VTI1A: variants seen among roughly 807,000 people sequenced by gnomAD.
VTI1A encodes the protein vesicle transport through interaction with t-SNAREs homolog 1A.
A neutral mutation model predicts 34.9 loss-of-function variants in VTI1A; 22 were observed. The ratio of observed to expected loss-of-function variants is 0.63; its 90% confidence interval spans 0.45 to 0.90. VTI1A has a LOEUF of 0.90. VTI1A is among the 40% of genes least tolerant of loss of function. The pLI is 0.00. For synonymous variants in VTI1A, 87 were observed against 97.3 expected (o/e 0.89, Z 0.62); for missense variants, 268 against 275.6 (o/e 0.97, Z 0.20).
intron 5 of VTI1A, among the ~76,000 whole-genome samples, chr10:112,667,481 T>C (rs1045483338): frequency 3.3e-5 from 5 of 152,168 alleles, no homozygotes; most frequent in African/African-American, 1.2e-4. Context: ...AAGATGATCA[T>C]GGCAAGAGAA....
chr10:112,459,767 A>G (rs558096701), intron 1 of VTI1A, among the ~76,000 whole-genome samples: 124 of 152,346 alleles, frequency 8.1e-4, no homozygotes, highest in Non-Finnish European at 1.2e-3. Flanking sequence ...CTGCCAGGAC[A>G]TGTCTCTCCT....
At chr10:112,496,601 T>G (rs990948499) in intron 3 of VTI1A, among the ~76,000 whole-genome samples, 1 of 152,134 alleles carries the variant, frequency 6.6e-6, no homozygotes, top group African/African-American at 2.4e-5. Context: ...GAAGATTATT[T>G]AAGGCAAAAT....
At chr10:112,757,093 C>T (rs181284262) in intron 7 of VTI1A, among the ~76,000 whole-genome samples, 2 of 151,022 alleles carry the variant, frequency 1.3e-5, no homozygotes, top group East Asian at 3.9e-4. Context: ...TCAACAAATA[C>T]TAATTCAGAG....
chr10:112,644,731 C>G (rs564331860), intron 5 of VTI1A, among the ~76,000 whole-genome samples: 1 of 152,114 alleles, frequency 6.6e-6, no homozygotes, highest in Admixed American at 6.6e-5. Flanking sequence ...TTTTAAACTG[C>G]GAAATTACTG....
the VTI1A span, among the ~76,000 whole-genome samples, chr10:112,843,849 G>T: frequency 1.3e-5 from 2 of 151,896 alleles, no homozygotes; most frequent in Admixed American, 6.6e-5. Context: ...GCTCCTCCAG[G>T]CCTACCACGT....
In VTI1A at chr10:112,815,572, CT is replaced by C; in HGVS notation, c.*193del. 1.7e-6 allele frequency: 1 copy of C among 582,568 alleles called. No homozygotes were observed. 36.1% of individuals were successfully genotyped at this position (582,568 alleles called of 1,614,324 possible). ...TCCTGTTTGCATGTGGGTTGGTTTC[CT>C]TTTCGAGGTTTGTCTTCACCCAGAT... On this transcript the variant is annotated 3_prime_UTR_variant, in exon 8 of 8. Coordinates refer to ENST00000393077, the MANE Select transcript of VTI1A (RefSeq NM_145206.4).
At chr10:112,709,305 A>G (rs1849314693) in intron 7 of VTI1A, among the ~76,000 whole-genome samples, 1 of 152,184 alleles carries the variant, frequency 6.6e-6, no homozygotes, top group Admixed American at 6.5e-5. Context: ...TTCACAGATA[A>G]AGAGTATACA....
chr10:112,815,986 T>C lies in VTI1A; in HGVS notation c.*603T>C. On this transcript the variant is annotated 3_prime_UTR_variant, in exon 8 of 8. Transcript: ENST00000393077. ...CTTTCCCTGTTTTTCTATTGCATAA[T>C]TTTTTTTTTAACCCAAAGATATTTT... 1.5e-5 allele frequency: 3 copies of C among 195,154 alleles called. No individual in the cohort carries two copies. The highest frequency in any genetic ancestry group is 7.0e-5 in the African/African-American group (3 of 42,994). The allele number at this position is 195,154 out of a possible 1,614,324, so 12.1% of individuals were successfully genotyped here.
intron 7 of VTI1A, among the ~76,000 whole-genome samples, chr10:112,801,000 G>A (rs568833828): frequency 3.9e-5 from 6 of 152,300 alleles, no homozygotes; most frequent in East Asian, 1.9e-4. Flanking sequence ...CAACCTCCAC[G>A]TGAATGTAGT....
At chr10:112,809,709 GTC>G (rs1411239373) in intron 7 of VTI1A, among the ~76,000 whole-genome samples, 2 of 152,232 alleles carry the variant, frequency 1.3e-5, no homozygotes, top group African/African-American at 4.8e-5. Flanking sequence ...TGTAGGTAGA[GTC>G]TCTCATTTCT....
At chr10:112,747,196 C>T (rs1850927713) in intron 7 of VTI1A, among the ~76,000 whole-genome samples, 3 of 152,234 alleles carry the variant, frequency 2.0e-5, no homozygotes, top group African/African-American at 7.2e-5. Flanking sequence ...ATGGGGAATG[C>T]CTTAAGACAC....
At chr10:112,564,649 G>T (rs899199672) in intron 5 of VTI1A, among the ~76,000 whole-genome samples, 3 of 151,898 alleles carry the variant, frequency 2.0e-5, no homozygotes, top group Non-Finnish European at 4.4e-5. Flanking sequence ...TTTGAATATG[G>T]TTCTTTTCTC....
chr10:112,833,088 A>C, the VTI1A span, among the ~76,000 whole-genome samples: 8 of 152,144 alleles, frequency 5.3e-5, no homozygotes, highest in African/African-American at 1.4e-4. Flanking sequence ...TGCTTTAAGC[A>C]CACCTTATGC....
chr10:112,793,240 C>T (rs564683226), intron 7 of VTI1A, among the ~76,000 whole-genome samples: 1 of 152,280 alleles, frequency 6.6e-6, no homozygotes, highest in South Asian at 2.1e-4. Flanking sequence ...TAGAAAACCT[C>T]CCCAATTAGT....
chr10:112,705,909 A>G (rs139419812), intron 7 of VTI1A, among the ~76,000 whole-genome samples: 1 of 151,114 alleles, frequency 6.6e-6, no homozygotes, highest in East Asian at 2.0e-4. Context: ...TCTGTTGGGC[A>G]TGTCTACGAT....
intron 5 of VTI1A, among the ~76,000 whole-genome samples, chr10:112,551,243 CAAAAAAAAAAAAA>C (rs1161935841): frequency 4.5e-5 from 1 of 22,074 alleles, no homozygotes. Context: ...TACTCCATCT[CAAAAAAAAAAAAA>C]AAAAAAAAAA....
chr10:112,731,350 G>T (rs1445294698), intron 7 of VTI1A, among the ~76,000 whole-genome samples: 2 of 152,128 alleles, frequency 1.3e-5, no homozygotes, highest in East Asian at 3.9e-4. Context: ...AAGGCAGGTG[G>T]ATCACCTGAG....
intron 1 of VTI1A, among the ~76,000 whole-genome samples, chr10:112,451,886 G>A (rs1847253845): frequency 6.6e-6 from 1 of 152,222 alleles, no homozygotes; most frequent in Non-Finnish European, 1.5e-5. Context: ...CACCTGAAAT[G>A]TGGCTGTTGC....
chr10:112,526,360 A>G (rs1386751001), intron 3 of VTI1A, among the ~76,000 whole-genome samples: 1 of 152,128 alleles, frequency 6.6e-6, no homozygotes, highest in Non-Finnish European at 1.5e-5. Context: ...TGAAAAGTTG[A>G]CTCATAGCCT....
Sources: allele counts gnomAD v4.1 joint callset (sites outside exome capture counted in the v4.1 genomes callset), GRCh38; gene constraint gnomAD v4.1.1; transcripts MANE v1.5; gene names NCBI Gene and HGNC (gene_info 2026-07-23, HGNC 2026-07-21).